ZFAND4: variants seen among roughly 807,000 people sequenced by gnomAD.
ZFAND4 encodes zinc finger AN1-type containing 4.
A neutral mutation model predicts 64.4 loss-of-function variants in ZFAND4; 43 were observed. The ratio of observed to expected loss-of-function variants is 0.67; its 90% CI spans 0.52 to 0.86. The LOEUF is 0.86. Among genes scored for constraint, ZFAND4 ranks in the 40% least tolerant of loss-of-function variants. ZFAND4 has a pLI of 0.00. For synonymous variants in ZFAND4, 296 were observed against 305.7 expected, an observed-to-expected ratio of 0.97 and a Z score of 0.33; for missense variants, 929 against 859.8, an observed-to-expected ratio of 1.08 and a Z score of -1.01.
At chr10:45,619,162 C>G (rs956323090) in intron 8 of ZFAND4, among the ~76,000 whole-genome samples, 1 of 151,896 alleles carries the variant, frequency 6.6e-6, no homozygotes, top group Admixed American at 6.6e-5. Context: ...CCTCAGCCTC[C>G]CGAGTAGCTG....
intron 4 of ZFAND4, chr10:45,650,584 A>C (rs923318586): frequency 1.3e-5 from 2 of 152,126 alleles, no homozygotes; most frequent in African/African-American, 2.4e-5. Context: ...TAAACATATA[A>C]AATAATTTTA....
intron 5 of ZFAND4, chr10:45,640,453 A>G (rs1459434096): frequency 5.8e-6 from 7 of 1,204,472 alleles, no homozygotes; most frequent in Non-Finnish European, 6.3e-6. Context: ...GAATTCATAC[A>G]CAGGTGTCAT....
chr10:45,653,471 A>C (rs1266717897), intron 2 of ZFAND4, among the ~76,000 whole-genome samples: 1 of 152,212 alleles, frequency 6.6e-6, no homozygotes, highest in Non-Finnish European at 1.5e-5. Context: ...TTAATTCAAC[A>C]AACAAAGAAC....
At chr10:45,670,440 A>G (rs1037161075) in intron 1 of ZFAND4, among the ~76,000 whole-genome samples, 1 of 152,130 alleles carries the variant, frequency 6.6e-6, no homozygotes, top group Non-Finnish European at 1.5e-5. Flanking sequence ...GGGTTTCTCC[A>G]TGTTCGTCAG....
At chr10:45,652,776 G>A (rs1199476511) in intron 3 of ZFAND4, among the ~76,000 whole-genome samples, 4 of 152,032 alleles carry the variant, frequency 2.6e-5, no homozygotes, top group African/African-American at 9.7e-5. Context: ...AAATGAAAAG[G>A]GAAAATAAAT....
At chr10:45,657,398 T>C (rs374169289) in intron 2 of ZFAND4, among the ~76,000 whole-genome samples, 2 of 151,876 alleles carry the variant, frequency 1.3e-5, no homozygotes, top group African/African-American at 4.8e-5. Context: ...ATAGCAAAAA[T>C]GAAACAAAAA....
intron 6 of ZFAND4, among the ~76,000 whole-genome samples, chr10:45,634,660 A>C (rs1322299244): frequency 6.6e-6 from 1 of 152,196 alleles, no homozygotes; most frequent in African/African-American, 2.4e-5. Flanking sequence ...CTAGCTGGAG[A>C]AATCAGACAA....
At chr10:45,671,737 C>T (rs1589469367) in intron 1 of ZFAND4, among the ~76,000 whole-genome samples, 1 of 151,480 alleles carries the variant, frequency 6.6e-6, no homozygotes, top group Non-Finnish European at 1.5e-5. Flanking sequence ...ATATAAATGA[C>T]GAGTTAGTCG....
chr10:45,618,980 T>A (rs1589227185), intron 8 of ZFAND4, among the ~76,000 whole-genome samples: 1 of 152,288 alleles, frequency 6.6e-6, no homozygotes, highest in Middle Eastern at 3.4e-3. Context: ...TATTACTGTA[T>A]CAACTTGAGT....
At chr10:45,641,557 A>G (rs1564594865) in intron 5 of ZFAND4, among the ~76,000 whole-genome samples, 1 of 152,230 alleles carries the variant, frequency 6.6e-6, no homozygotes, top group Non-Finnish European at 1.5e-5. Flanking sequence ...AATTACACGC[A>G]CTATACGCAT....
At chr10:45,646,632 A>G (rs1206298855) in intron 5 of ZFAND4, among the ~76,000 whole-genome samples, 2 of 152,202 alleles carry the variant, frequency 1.3e-5, no homozygotes, top group African/African-American at 4.8e-5. Flanking sequence ...AAAGGAGAAA[A>G]GATGTCTAAA....
intron 8 of ZFAND4, among the ~76,000 whole-genome samples, chr10:45,618,707 CACT>C (rs1313075855): frequency 6.6e-6 from 1 of 152,154 alleles, no homozygotes; most frequent in Non-Finnish European, 1.5e-5. Flanking sequence ...CCTATTACAC[CACT>C]GACAGTTCAT....
intron 5 of ZFAND4, among the ~76,000 whole-genome samples, chr10:45,642,042 G>A (rs1027291409): frequency 6.6e-6 from 1 of 152,106 alleles, no homozygotes; most frequent in Non-Finnish European, 1.5e-5. Flanking sequence ...TTGTCTCAAG[G>A]CCAACTATAC....
At chr10:45,670,842 T>G (rs879569726) in intron 1 of ZFAND4, among the ~76,000 whole-genome samples, 9 of 152,204 alleles carry the variant, frequency 5.9e-5, no homozygotes, top group Non-Finnish European at 1.2e-4. Context: ...TGGGATCTAA[T>G]TAAACTAAAG....
chr10:45,667,059 T>C (rs1026441661), intron 1 of ZFAND4, among the ~76,000 whole-genome samples: 5 of 152,240 alleles, frequency 3.3e-5, no homozygotes, highest in African/African-American at 9.6e-5. Context: ...ATTAAGTCTG[T>C]AGATTTGGAG....
rs182519689 is a variant in ZFAND4 at position 45,630,023 on chromosome 10, G to C, written c.718-2918C>G. On this transcript the variant is annotated intron_variant, in intron 6 of 9. Coordinates refer to ENST00000344646, the MANE Select transcript of ZFAND4 (RefSeq NM_174890.4). ...CACTTCTGTGTATTAATATATAACT[G>C]TTAATACTCATCTAAGTAAATAAAA... Among the ~76,000 whole-genome samples, 638 of 151,960 alleles carry C rather than the reference G, an allele frequency of 4.2e-3. 4 individuals are homozygous for C. Among genetic ancestry groups the C allele is most frequent in the African/African-American group, 0.015 (604 of 41,458 alleles).
chr10:45,645,674 A>C (rs980350870), intron 5 of ZFAND4, among the ~76,000 whole-genome samples: 1 of 152,238 alleles, frequency 6.6e-6, no homozygotes, highest in Non-Finnish European at 1.5e-5. Context: ...ATTACACGTA[A>C]CAGCAAGCTG....
In ZFAND4 at chr10:45,672,645, C is replaced by G. The variant is rs1213608581; in HGVS notation, c.-513G>C. ...GCTCAGCGGCTCGCAGCCCGGGCGCCCCCCCTGCCGGCCGCTCGCTAGCTC... is the reference window on the plus strand; with the variant it reads ...GCTCAGCGGCTCGCAGCCCGGGCGCGCCCCCTGCCGGCCGCTCGCTAGCTC... On this transcript the variant is annotated 5_prime_UTR_variant, in exon 1 of 10. Coordinates refer to ENST00000344646, the MANE Select transcript of ZFAND4 (RefSeq NM_174890.4). 3 of 152,020 alleles carry G rather than the reference C, an allele frequency of 2.0e-5. No homozygotes were observed. The highest frequency in any genetic ancestry group is 6.6e-5 in the Admixed American group (1 of 15,260). The allele number at this position is 152,020 out of a possible 1,614,324, so 9.4% of individuals were successfully genotyped here.
At chr10:45,655,876 G>T (rs1250933086) in intron 2 of ZFAND4, among the ~76,000 whole-genome samples, 2 of 152,086 alleles carry the variant, frequency 1.3e-5, no homozygotes. Context: ...TTTTTAAATT[G>T]CAAACAACAA....
Sources: allele counts gnomAD v4.1 joint callset (sites outside exome capture counted in the v4.1 genomes callset), GRCh38; gene constraint gnomAD v4.1.1; transcripts MANE v1.5; gene names NCBI Gene and HGNC (gene_info 2026-07-23, HGNC 2026-07-21).